The following CCDC3 variants were observed in gnomAD, a reference collection of about 807,000 sequenced individuals.
CCDC3 encodes the protein coiled-coil domain-containing protein 3.
In CCDC3, 24 loss-of-function variants were observed where a neutral mutation model predicts 21.4. That is an observed-to-expected ratio of 1.12 (90% CI 0.81 to 1.58). The LOEUF (loss-of-function observed/expected upper bound fraction) is 1.58, where lower values mean the gene tolerates loss of function less well. Among genes scored for constraint, CCDC3 ranks in the 40% most tolerant of loss-of-function variants. The pLI, the probability that CCDC3 is intolerant of heterozygous loss-of-function variation, is 0.00. For missense variants in CCDC3, 425 were observed against 360.9 expected (o/e 1.18, Z -1.44); for synonymous variants, 186 against 166.0 (o/e 1.12, Z -0.93).
chr10:13,005,149 C>A (rs983364134), upstream of CCDC3, among the ~76,000 whole-genome samples: 1 of 152,184 alleles, frequency 6.6e-6, no homozygotes, highest in South Asian at 2.1e-4. Flanking sequence ...AAAGTTCTAT[C>A]GACTGGGAGA....
intron 5 of CCDC3, among the ~76,000 whole-genome samples, chr10:13,041,059 C>G (rs1836447878): frequency 6.6e-6 from 1 of 152,138 alleles, no homozygotes; most frequent in South Asian, 2.1e-4. Context: ...GTCCCAAACA[C>G]TGAGTAATTA....
chr10:12,982,465 A>T (rs1448685970), intron 2 of CCDC3, among the ~76,000 whole-genome samples: 1 of 150,842 alleles, frequency 6.6e-6, no homozygotes, highest in African/African-American at 2.4e-5. Flanking sequence ...TTTTGTTAAG[A>T]GTAGATTTCA....
chr10:12,968,169 AG>A (rs1835288456), intron 2 of CCDC3, among the ~76,000 whole-genome samples: 1 of 146,798 alleles, frequency 6.8e-6, no homozygotes, highest in South Asian at 2.2e-4. Flanking sequence ...ACTTCACCTC[AG>A]AAAAAAAAAA....
intron 5 of CCDC3, among the ~76,000 whole-genome samples, chr10:13,013,339 A>C (rs1048558685): frequency 2.6e-5 from 4 of 152,272 alleles, no homozygotes; most frequent in Admixed American, 2.0e-4. Context: ...CCAAAAAGAA[A>C]GGGAGTGCTG....
intron 5 of CCDC3, among the ~76,000 whole-genome samples, chr10:13,045,367 G>A (rs571048636): frequency 8.5e-5 from 13 of 152,202 alleles, no homozygotes; most frequent in Admixed American, 1.3e-4. Context: ...TTGGCTGGGC[G>A]CGGTGGCTCA....
chr10:12,995,745 C>T (rs1189012228), intron 2 of CCDC3, among the ~76,000 whole-genome samples: 6 of 152,312 alleles, frequency 3.9e-5, no homozygotes, highest in Admixed American at 3.3e-4. Flanking sequence ...TGCTCCCACA[C>T]TTTGTTATCT....
chr10:13,034,046 T>C (rs1278452784), intron 5 of CCDC3, among the ~76,000 whole-genome samples: 2 of 152,132 alleles, frequency 1.3e-5, no homozygotes, highest in Admixed American at 1.3e-4. Flanking sequence ...TGCACACGTA[T>C]GTTTATTGTG....
upstream of CCDC3, among the ~76,000 whole-genome samples, chr10:13,006,066 T>C (rs1835920125): frequency 6.6e-6 from 1 of 152,080 alleles, no homozygotes; most frequent in Admixed American, 6.5e-5. Context: ...CTCTAAAGTA[T>C]ATGGTGTTTC....
chr10:12,917,711 ATG>A (rs1564283037), intron 2 of CCDC3, among the ~76,000 whole-genome samples: 1 of 152,232 alleles, frequency 6.6e-6, no homozygotes, highest in African/African-American at 2.4e-5. Context: ...TAAAATTTAC[ATG>A]GTATAAAAAC....
chr10:13,002,580 A>G (rs964639803), upstream of CCDC3, among the ~76,000 whole-genome samples: 1 of 151,972 alleles, frequency 6.6e-6, no homozygotes, highest in African/African-American at 2.4e-5. Context: ...GAGACAGGCT[A>G]TGTTGCTCAG....
intron 2 of CCDC3, among the ~76,000 whole-genome samples, chr10:12,985,793 G>A (rs1308991623): frequency 6.6e-6 from 1 of 152,222 alleles, no homozygotes; most frequent in Non-Finnish European, 1.5e-5. Flanking sequence ...GTAGCAGGAA[G>A]AAGCCACTTG....
chr10:12,926,419 C>T (rs76144002), intron 2 of CCDC3, among the ~76,000 whole-genome samples: 8,484 of 152,222 alleles, frequency 0.056, 249 homozygotes, highest in Non-Finnish European at 0.071. Flanking sequence ...GCATGGTGCC[C>T]ACTCTAGAGT....
chr10:13,043,092 TA>T (rs34748394), intron 5 of CCDC3, among the ~76,000 whole-genome samples: 6,951 of 152,100 alleles, frequency 0.046, 212 homozygotes, highest in Non-Finnish European at 0.07. Flanking sequence ...ATTTTAGGCT[TA>T]GGGGGTACAT....
chr10:12,968,605 G>A (rs1835295646), intron 2 of CCDC3, among the ~76,000 whole-genome samples: 1 of 152,144 alleles, frequency 6.6e-6, no homozygotes, highest in Non-Finnish European at 1.5e-5. Context: ...TATAATGGTG[G>A]TATGTAAGTA....
At chr10:13,091,680 G>A (rs1301358311) in intron 3 of CCDC3, among the ~76,000 whole-genome samples, 2 of 152,030 alleles carry the variant, frequency 1.3e-5, no homozygotes, top group East Asian at 3.8e-4. Flanking sequence ...TCATCCTAAA[G>A]TTCTCTCCCC....
chr10:13,007,208 T>C (rs948554040), intron 5 of CCDC3, among the ~76,000 whole-genome samples: 2 of 152,176 alleles, frequency 1.3e-5, no homozygotes, highest in Non-Finnish European at 2.9e-5. Context: ...GGTCATCTTG[T>C]GGAATGTAGT....
chr10:12,937,257 AG>A (rs777752064), intron 2 of CCDC3, among the ~76,000 whole-genome samples: 1 of 152,102 alleles, frequency 6.6e-6, no homozygotes, highest in Non-Finnish European at 1.5e-5. Flanking sequence ...GACTGATCTA[AG>A]AGGAGCTTGT....
At chr10:13,060,186 G>A (rs556627365) in intron 4 of CCDC3, among the ~76,000 whole-genome samples, 31 of 152,228 alleles carry the variant, frequency 2.0e-4, no homozygotes, top group African/African-American at 7.5e-4. Context: ...ATCTCATAGT[G>A]AGAAAATGCT....
At chr10:13,035,675 C>G (rs1283574122) in intron 5 of CCDC3, among the ~76,000 whole-genome samples, 2 of 152,152 alleles carry the variant, frequency 1.3e-5, no homozygotes, top group Non-Finnish European at 2.9e-5. Flanking sequence ...CAAGAACATC[C>G]AGGTTTTATG....
Sources: gnomAD v4.1 joint callset for allele counts (sites outside exome capture counted in the v4.1 genomes callset) on GRCh38, gnomAD v4.1.1 for gene constraint, MANE v1.5 for transcripts, NCBI Gene and HGNC (gene_info 2026-07-23, HGNC 2026-07-21) for gene names.